The following SUCLA2 variants were observed in gnomAD, a reference collection of about 807,000 sequenced individuals.
SUCLA2 encodes the protein succinate-CoA ligase ADP-forming subunit beta, also known as succinate--CoA ligase [ADP-forming] subunit beta, mitochondrial.
Under a neutral mutation model 54.8 loss-of-function variants are expected in SUCLA2, and 30 were observed. That is an observed-to-expected ratio of 0.55 (90% CI 0.41 to 0.74). The LOEUF (loss-of-function observed/expected upper bound fraction) is 0.74. Ranked by LOEUF, SUCLA2 falls within the 30% of genes least tolerant of loss-of-function variation. SUCLA2 has a pLI of 0.00. For missense variants in SUCLA2, 476 were observed against 562.9 expected, an observed-to-expected ratio of 0.85 and a Z score of 1.56; for synonymous variants, 172 against 188.9, an observed-to-expected ratio of 0.91 and a Z score of 0.74.
intron 4 of SUCLA2, chr13:47,987,922 C>G (rs1226668292): frequency 6.6e-6 from 1 of 152,052 alleles, no homozygotes; most frequent in Non-Finnish European, 1.5e-5. Flanking sequence ...TATCAATGCT[C>G]TCTTCCAAAC....
intron 4 of SUCLA2, among the ~76,000 whole-genome samples, chr13:47,984,805 T>C (rs1950088057): frequency 6.6e-6 from 1 of 152,048 alleles, no homozygotes; most frequent in Non-Finnish European, 1.5e-5. Flanking sequence ...AAAATAAAGA[T>C]GTGTATTTAA....
At chr13:47,953,129 C>G (rs1949789728) in intron 8 of SUCLA2, among the ~76,000 whole-genome samples, 1 of 152,168 alleles carries the variant, frequency 6.6e-6, no homozygotes, top group Admixed American at 6.6e-5. Context: ...CACTTCAATG[C>G]TATCCACATT....
chr13:47,998,760 G>C (rs921056447), intron 1 of SUCLA2, among the ~76,000 whole-genome samples: 1 of 152,210 alleles, frequency 6.6e-6, no homozygotes, highest in Non-Finnish European at 1.5e-5. Flanking sequence ...ATTGATAAGA[G>C]AGAGGACATG....
rs1208988298 is a variant in SUCLA2, at chr13:47,951,416, G to GCTCTTA, written c.1108-1814_1108-1813insTAAGAG. Among the ~76,000 whole-genome samples, 49 of 149,918 alleles carry GCTCTTA rather than the reference G, an allele frequency of 3.3e-4. 1 individual carries two copies. In the East Asian group the frequency reaches 9.3e-3, roughly 29 times the overall value. On this transcript the variant is annotated intron_variant, in intron 8 of 10. Transcript: ENST00000646932. ...CTGACTTTCTTCACTATAGAGCCTG[G>GCTCTTA]GACATATGGCTAAGCAATTCAGTGT...
intron 8 of SUCLA2, among the ~76,000 whole-genome samples, chr13:47,950,616 T>C (rs1379328592): frequency 2.0e-5 from 3 of 152,186 alleles, no homozygotes; most frequent in African/African-American, 4.8e-5. Context: ...CAATGATAGT[T>C]CTGAATCAGT....
rs767140994 is a variant in SUCLA2, at chr13:47,954,557, A to G, written c.803T>C (p.Val268Ala). 1 of 1,613,250 alleles carries G rather than the reference A, an allele frequency of 6.2e-7. No homozygotes were observed. Among genetic ancestry groups the G allele is most frequent in the South Asian group, 1.1e-5 (1 of 91,052 alleles). ...ATTGATCTTTGCATCCATACACAAT[A>G]CTTTGAAGGGAAAAAGAGAAAAATG... is the stretch of plus-strand genomic sequence containing the variant. Reference protein sequence around the residue: ...NPMVEDSDGAVLCMDAKINFD... With the variant: ...NPMVEDSDGAALCMDAKINFD... Residue 268 changes from valine (V) to alanine (A), a missense_variant and splice_region_variant, in exon 7 of 11, where the codon GTA becomes GCA. Physicochemically the swap from Val to Ala is moderately conservative, Grantham distance 64 (BLOSUM62 0). Coordinates refer to ENST00000646932, the MANE Select transcript of SUCLA2 (RefSeq NM_003850.3).
chr13:48,000,859 A>C, intron 1 of SUCLA2: 2 of 1,171,162 alleles, frequency 1.7e-6, no homozygotes, highest in Non-Finnish European at 2.1e-6. Flanking sequence ...AGACGCCGGA[A>C]TGGCAGCAGA....
At chr13:47,980,159 G>T (rs1950049363) in intron 4 of SUCLA2, among the ~76,000 whole-genome samples, 1 of 152,228 alleles carries the variant, frequency 6.6e-6, no homozygotes, top group African/African-American at 2.4e-5. Flanking sequence ...GCTCACGCCT[G>T]TAATCCCAGC....
rs1483841795 is a variant in SUCLA2 at position 47,988,627 on chromosome 13, T to C, written c.448A>G (p.Arg150Gly). ...CAGACCAATACTTGATTGCATATTC[T>C]GCCCTTTTCTCCCGTTTGCTTGGTA... ...LFTKQTGEKGRICNQVLVCER... is the reference protein window; with the variant it reads ...LFTKQTGEKGGICNQVLVCER... Residue 150 changes from arginine (R) to glycine (G), a missense_variant, in exon 4 of 11, where the codon AGA becomes GGA. Transcript: ENST00000646932. 6.2e-7 allele frequency: 1 copy of C among 1,614,014 alleles called. No individual in the cohort carries two copies. The highest frequency in any genetic ancestry group is 8.5e-7 in the Non-Finnish European group (1 of 1,179,956).
chr13:47,965,515 A>C (rs1450842796), intron 6 of SUCLA2: 1 of 382,988 alleles, frequency 2.6e-6, no homozygotes, highest in African/African-American at 2.2e-5. Flanking sequence ...AAACAAACAA[A>C]CAAAAAAAAA....
At chr13:47,982,258 T>C (rs1204225635) in intron 4 of SUCLA2, among the ~76,000 whole-genome samples, 2 of 152,182 alleles carry the variant, frequency 1.3e-5, no homozygotes, top group Admixed American at 6.5e-5. Flanking sequence ...AATGGAATAG[T>C]ACTCAGCCAT....
chr13:47,948,591 A>G (rs1400119617), intron 10 of SUCLA2, among the ~76,000 whole-genome samples: 1 of 151,768 alleles, frequency 6.6e-6, no homozygotes, highest in African/African-American at 2.4e-5. Flanking sequence ...TTTAGCCAGG[A>G]TCCTCCCTTA....
chr13:47,958,595 T>C (rs1949840709), intron 6 of SUCLA2, among the ~76,000 whole-genome samples: 1 of 152,218 alleles, frequency 6.6e-6, no homozygotes, highest in Admixed American at 6.5e-5. Context: ...TTTATATTTG[T>C]CTCTGGTAGG....
At chr13:47,953,987 A>C (rs1291554337) in intron 8 of SUCLA2, among the ~76,000 whole-genome samples, 153 bp downstream of exon 8, 2 of 152,158 alleles carry the variant, frequency 1.3e-5, no homozygotes, top group Admixed American at 1.3e-4. Context: ...AATTGCAAAA[A>C]TCTTCAAGAT....
chr13:47,947,557 A>G (rs1474119642), intron 10 of SUCLA2, among the ~76,000 whole-genome samples: 1 of 152,238 alleles, frequency 6.6e-6, no homozygotes, highest in African/African-American at 2.4e-5. Context: ...ACGCTTTGCA[A>G]CACAAACAAA....
chr13:47,990,003 G>C (rs1277966526), intron 2 of SUCLA2, among the ~76,000 whole-genome samples: 1 of 152,070 alleles, frequency 6.6e-6, no homozygotes, highest in Non-Finnish European at 1.5e-5. Flanking sequence ...ATTTGCTGTG[G>C]AAAACCAGCA....
At chr13:47,971,924 AG>A in intron 5 of SUCLA2, 1 of 398,584 alleles carries the variant, frequency 2.5e-6, no homozygotes, top group Non-Finnish European at 4.4e-6. Context: ...GAAACCTGTA[AG>A]TTATAAAAGA....
Position 47,943,163 on chromosome 13 carries a change from A to G in SUCLA2, c.*208T>C. Reference sequence around the variant, plus strand: ...AAAGACTGGCTGCGACAAAAGAAAGAAGATAACTGCATTATACATGCTTCG... The same window carrying G: ...AAAGACTGGCTGCGACAAAAGAAAGGAGATAACTGCATTATACATGCTTCG... On this transcript the variant is annotated 3_prime_UTR_variant, in exon 11 of 11. Transcript: ENST00000646932. 3.7e-6 allele frequency: 2 copies of G among 541,046 alleles called. No homozygotes were observed. Among genetic ancestry groups the G allele is most frequent in the Non-Finnish European group, 6.6e-6 (2 of 304,464 alleles). 33.5% of individuals were successfully genotyped at this position (541,046 alleles called of 1,614,324 possible). A position where few individuals can be genotyped will look rare whatever the true frequency, so the allele number is the denominator to read the frequency against.
chr13:47,985,591 G>A (rs191320770), intron 4 of SUCLA2, among the ~76,000 whole-genome samples: 2 of 152,280 alleles, frequency 1.3e-5, no homozygotes, highest in East Asian at 3.9e-4. Flanking sequence ...TGGCTGCAGA[G>A]TATTCCATGG....
Sources: gnomAD v4.1 joint callset for allele counts (sites outside exome capture counted in the v4.1 genomes callset) on GRCh38, gnomAD v4.1.1 for gene constraint, MANE v1.5 for transcripts, NCBI Gene and HGNC (gene_info 2026-07-23, HGNC 2026-07-21) for gene names.